The following LRP1B variants were observed in gnomAD, a reference collection of about 807,000 sequenced individuals.
LRP1B encodes the protein low-density lipoprotein receptor-related protein 1B.
Under a neutral mutation model 556.6 loss-of-function variants are expected in LRP1B, and 217 were observed. That is an observed-to-expected ratio of 0.39 (90% CI 0.35 to 0.44). The LOEUF (loss-of-function observed/expected upper bound fraction) is 0.44. LRP1B is among the 20% of genes least tolerant of loss of function. The pLI, the probability that LRP1B is intolerant of heterozygous loss-of-function variation, is 1.00. For missense variants in LRP1B, 5,053 were observed against 5,620.8 expected (o/e 0.90, Z 3.23); for synonymous variants, 2,047 against 1,865.8 (o/e 1.10, Z -2.50).
chr2:141,507,047 T>A (rs567191042), intron 2 of LRP1B, among the ~76,000 whole-genome samples: 1 of 152,160 alleles, frequency 6.6e-6, no homozygotes, highest in East Asian at 1.9e-4. Flanking sequence ...TTGATTCATC[T>A]CAAATGGTTG....
At chr2:141,131,078 A>G (rs886224059) in intron 7 of LRP1B, among the ~76,000 whole-genome samples, 3 of 152,094 alleles carry the variant, frequency 2.0e-5, no homozygotes, top group Non-Finnish European at 4.4e-5. Context: ...GCAAACCACC[A>G]TGGCACAAGT....
rs202010477 is a variant in LRP1B at position 142,052,262 on chromosome 2, T to G, written c.82+78386A>C. Among the ~76,000 whole-genome samples the G allele has an allele frequency of 1.1e-4, 16 of 152,176 alleles. No homozygotes were observed. The East Asian group carries it at 3.1e-3, about 29-fold the overall frequency. ...TTTAGAAAACAAACTTTAAAACCCCTATAAACATTTTCCTCAAATCCCTAG... is the reference window on the plus strand; with the variant it reads ...TTTAGAAAACAAACTTTAAAACCCCGATAAACATTTTCCTCAAATCCCTAG... On this transcript the variant is annotated intron_variant, in intron 1 of 90. Coordinates refer to ENST00000389484, the MANE Select transcript of LRP1B (RefSeq NM_018557.3).
chr2:140,806,194 C>T (rs1486125), intron 32 of LRP1B, among the ~76,000 whole-genome samples: 31,239 of 151,948 alleles, frequency 0.21, 3,550 homozygotes, highest in South Asian at 0.29. Flanking sequence ...TTCCAGCCTC[C>T]AGAACTGTGA....
At position 140,951,928 on chromosome 2, in the gene LRP1B, C is replaced by T. The variant is rs1695728513; in HGVS notation, c.2900G>A (p.Cys967Tyr). 6.2e-7 allele frequency: 1 copy of T among 1,613,180 alleles called. No homozygotes were observed. Among genetic ancestry groups the T allele is most frequent in the African/African-American group, 1.3e-5 (1 of 74,898 alleles). The change falls in exon 19 of 91, where the codon TGT becomes TAT. Residue 967 changes from cysteine (C) to tyrosine (Y), a missense_variant. This residue lies in a region of LRP1B where 3,619 missense variants were observed against 3,931.9 expected (regional missense o/e 0.92). Transcript: ENST00000389484. ...GCATACGAATTGGGTTAGTGGCTCA[C>T]AAGTTGGGAATTCTGTGAAAGATAT... ...DEMASCEFPT[C>Y]EPLTQFVCKS...
intron 1 of LRP1B, among the ~76,000 whole-genome samples, chr2:142,043,530 A>T (rs1444817749): frequency 6.6e-6 from 1 of 151,644 alleles, no homozygotes; most frequent in African/African-American, 2.4e-5. Context: ...TATATTTTGG[A>T]TGTCAGCTGA....
intron 2 of LRP1B, 110 bp downstream of exon 2, chr2:141,810,169 G>A (rs28529494): frequency 2.5e-5 from 18 of 727,206 alleles, no homozygotes; most frequent in East Asian, 1.6e-4. Context: ...AAGAAAGAAG[G>A]AAAGAAAGAA....
intron 43 of LRP1B, among the ~76,000 whole-genome samples, chr2:140,562,615 G>GTTATTTAT (rs573194978): frequency 6.6e-6 from 1 of 151,634 alleles, no homozygotes; most frequent in Non-Finnish European, 1.5e-5. Context: ...TTTCTTTTCT[G>GTTATTTAT]TTATTTATTT....
chr2:141,071,090 G>C, intron 7 of LRP1B, among the ~76,000 whole-genome samples: 1 of 151,850 alleles, frequency 6.6e-6, no homozygotes, highest in East Asian at 1.9e-4. Context: ...GATGAACATT[G>C]ATGCAAAAAT....
intron 66 of LRP1B, among the ~76,000 whole-genome samples, chr2:140,398,482 A>G (rs1684350060): frequency 6.6e-6 from 1 of 152,060 alleles, no homozygotes; most frequent in Admixed American, 6.6e-5. Flanking sequence ...AGATTCTCAC[A>G]AAAATCAGAT....
At chr2:141,464,594 A>ATTTTTTT (rs1559084708) in intron 3 of LRP1B, among the ~76,000 whole-genome samples, 11 of 34,776 alleles carry the variant, frequency 3.2e-4, no homozygotes, top group African/African-American at 6.2e-4. Context: ...GTATATATAT[A>ATTTTTTT]TATATATATA....
At chr2:141,656,049 C>A (rs906610515) in intron 2 of LRP1B, among the ~76,000 whole-genome samples, 1 of 151,766 alleles carries the variant, frequency 6.6e-6, no homozygotes, top group African/African-American at 2.4e-5. Flanking sequence ...ATTATTATAC[C>A]CATTTTGTTA....
chr2:140,580,026 C>A (rs568316095), intron 43 of LRP1B, among the ~76,000 whole-genome samples: 3 of 152,088 alleles, frequency 2.0e-5, no homozygotes, highest in Non-Finnish European at 2.9e-5. Context: ...ACTAACCCAC[C>A]ACCCACTTGG....
At chr2:140,696,210 G>A (rs1293389830) in intron 41 of LRP1B, among the ~76,000 whole-genome samples, 1 of 152,080 alleles carries the variant, frequency 6.6e-6, no homozygotes, top group African/African-American at 2.4e-5. Flanking sequence ...TTATTTATAT[G>A]TGCCAATAAC....
In LRP1B at chr2:140,710,059, C is replaced by T. The variant is rs571200525; in HGVS notation, c.6023+5914G>A. Among the ~76,000 whole-genome samples the T allele has an allele frequency of 2.2e-4, 34 of 151,990 alleles. 1 individual carries two copies. Among genetic ancestry groups the T allele is most frequent in the Middle Eastern group, 3.4e-3 (1 of 294 alleles). The stretch of plus-strand genomic sequence containing the variant: ...TAATATTTTTAAAATGCTTTTAAGA[C>T]GAAGTAAATAATATTTAAATATTGC... On this transcript the variant is annotated intron_variant, in intron 37 of 90. Coordinates refer to ENST00000389484, the MANE Select transcript of LRP1B (RefSeq NM_018557.3).
chr2:140,256,377 T>A (rs964032956), intron 86 of LRP1B, among the ~76,000 whole-genome samples: 1 of 148,488 alleles, frequency 6.7e-6, no homozygotes, highest in Non-Finnish European at 1.5e-5. Context: ...CCCCCTTAAA[T>A]CTCTCTTCTT....
At chr2:140,636,042 C>T (rs1277983461) in intron 41 of LRP1B, among the ~76,000 whole-genome samples, 1 of 152,056 alleles carries the variant, frequency 6.6e-6, no homozygotes, top group East Asian at 1.9e-4. Context: ...GAAATAAACA[C>T]AGACCCATTG....
At chr2:141,761,785 A>G (rs1388166727) in intron 2 of LRP1B, among the ~76,000 whole-genome samples, 1 of 152,144 alleles carries the variant, frequency 6.6e-6, no homozygotes, top group Non-Finnish European at 1.5e-5. Context: ...ATCAAAAGGA[A>G]TATGCAGGCC....
intron 35 of LRP1B, among the ~76,000 whole-genome samples, chr2:140,748,511 G>A (rs1688427120): frequency 1.0e-5 from 1 of 96,472 alleles, no homozygotes; most frequent in Non-Finnish European, 2.0e-5. Context: ...AACAGCTCTT[G>A]GTATCACATC....
At chr2:141,119,222 T>C (rs1395204376) in intron 7 of LRP1B, among the ~76,000 whole-genome samples, 4 of 151,926 alleles carry the variant, frequency 2.6e-5, no homozygotes, top group Non-Finnish European at 4.4e-5. Flanking sequence ...CGTAAGTTTT[T>C]TTCACTCAAT....
Sources: allele counts gnomAD v4.1 joint callset (sites outside exome capture counted in the v4.1 genomes callset), GRCh38; gene constraint gnomAD v4.1.1; regional missense constraint gnomAD v4.1.1; transcripts MANE v1.5; gene names NCBI Gene and HGNC (gene_info 2026-07-23, HGNC 2026-07-21).